NAT10: variants seen among roughly 807,000 people sequenced by gnomAD.
NAT10 encodes N-acetyltransferase 10.
A neutral mutation model predicts 132.2 loss-of-function variants in NAT10; 109 were observed. That is an observed-to-expected ratio of 0.82 (90% confidence interval 0.71 to 0.97). NAT10 has a LOEUF of 0.97. NAT10 is among the 50% of genes least tolerant of loss of function. The pLI is 0.00. For missense variants in NAT10, 1,184 were observed against 1,263.4 expected, an observed-to-expected ratio of 0.94 and a Z score of 0.95; for synonymous variants, 479 against 478.0, an observed-to-expected ratio of 1.00 and a Z score of -0.03.
At chr11:34,112,710 C>T (rs1430148442) in intron 4 of NAT10, among the ~76,000 whole-genome samples, 1 of 152,232 alleles carries the variant, frequency 6.6e-6, no homozygotes, top group Non-Finnish European at 1.5e-5. Context: ...CACTTTACCT[C>T]TCAGAGACTA....
intron 5 of NAT10, among the ~76,000 whole-genome samples, chr11:34,115,014 G>T (rs1032224911): frequency 4.6e-5 from 7 of 152,082 alleles, no homozygotes; most frequent in Admixed American, 3.9e-4. Context: ...AAATTAACCA[G>T]GTGTGGTGGT....
intron 17 of NAT10, 25 bp from the exon 18 acceptor site, chr11:34,134,487 T>C (rs1464215321): frequency 1.2e-6 from 2 of 1,613,952 alleles, no homozygotes; most frequent in Admixed American, 1.7e-5. Flanking sequence ...TGTTGCTAAG[T>C]TACTGGTTTG....
chr11:34,142,014 C>A lies in NAT10; in HGVS notation c.2811+197C>A, dbSNP rs1042115776. 2.2e-5 allele frequency: 14 copies of A among 625,848 alleles called. No homozygotes were observed. In the African/African-American group the frequency reaches 2.6e-4, roughly 12 times the overall value. The allele number at this position is 625,848 out of a possible 1,614,324, so 38.8% of individuals were successfully genotyped here. On this transcript the variant is annotated intron_variant, in intron 26 of 28. Coordinates refer to ENST00000257829, the MANE Select transcript of NAT10 (RefSeq NM_024662.3). ...CACAGGCCTAGAGTTGTGCCTCCCACTGATTGTGTGTGTGTGTTGTGAATG... is the reference window on the plus strand; with the variant it reads ...CACAGGCCTAGAGTTGTGCCTCCCAATGATTGTGTGTGTGTGTTGTGAATG...
intron 27 of NAT10, 107 bp downstream of exon 27, chr11:34,142,455 A>T: frequency 1.1e-6 from 1 of 942,356 alleles, no homozygotes; most frequent in Non-Finnish European, 1.7e-6. Context: ...AGTGTCTTTC[A>T]TGGGATCAGT....
chr11:34,119,635 A>T (rs933333416), intron 8 of NAT10, among the ~76,000 whole-genome samples: 1 of 152,384 alleles, frequency 6.6e-6, no homozygotes, highest in South Asian at 2.1e-4. Flanking sequence ...AAAAATAAGA[A>T]GTGGTGTTTC....
At position 34,143,432 on chromosome 11, in the gene NAT10, T is replaced by C. The variant is rs776966052; in HGVS notation, c.2886-13T>C. ...TTTCTAGCAGGCTTTGATAGTTCCC[T>C]TCTTTTTTTTAGATACATAATCCGT... On this transcript the variant is annotated splice_polypyrimidine_tract_variant and intron_variant, in intron 27 of 28. Coordinates refer to ENST00000257829, the MANE Select transcript of NAT10 (RefSeq NM_024662.3). 1 of 1,611,400 alleles carries C rather than the reference T, an allele frequency of 6.2e-7. No individual in the cohort carries two copies. Among genetic ancestry groups the C allele is most frequent in the Non-Finnish European group, 8.5e-7 (1 of 1,178,476 alleles).
chr11:34,133,993 A>T (rs1852157449), intron 16 of NAT10, among the ~76,000 whole-genome samples: 1 of 148,170 alleles, frequency 6.7e-6, no homozygotes, highest in Non-Finnish European at 1.5e-5. Context: ...TCTACTAAAA[A>T]AAAAAAAAAA....
At chr11:34,127,058 C>T (rs1054360205) in intron 11 of NAT10, among the ~76,000 whole-genome samples, 9 of 152,096 alleles carry the variant, frequency 5.9e-5, no homozygotes, top group East Asian at 5.8e-4. Context: ...TGGGGGAAAA[C>T]GTGAGGAGAC....
At chr11:34,112,752 C>A (rs1851716804) in intron 4 of NAT10, among the ~76,000 whole-genome samples, 1 of 152,178 alleles carries the variant, frequency 6.6e-6, no homozygotes, top group Non-Finnish European at 1.5e-5. Flanking sequence ...TGTGTATTCT[C>A]TTGCCTGGCA....
chr11:34,137,079 G>A, intron 21 of NAT10, 53 bp downstream of exon 21: 1 of 1,598,780 alleles, frequency 6.3e-7, no homozygotes, highest in Admixed American at 1.7e-5. Flanking sequence ...TATGGTAGGT[G>A]ACAGGCCTGT....
At chr11:34,138,339 C>T (rs559752651) in intron 21 of NAT10, among the ~76,000 whole-genome samples, 1 of 152,230 alleles carries the variant, frequency 6.6e-6, no homozygotes, top group African/African-American at 2.4e-5. Flanking sequence ...CTTCTGTCTT[C>T]CCAGATGAGG....
At chr11:34,136,947 A>G (rs762435781) in intron 20 of NAT10, 31 bp from the exon 21 acceptor site, 4 of 1,613,924 alleles carry the variant, frequency 2.5e-6, no homozygotes, top group Non-Finnish European at 2.5e-6. Context: ...GAGGCCACAC[A>G]CAGTGACCTA....
Position 34,141,225 on chromosome 11 carries a change from G to A in NAT10, c.2712+17G>A. The stretch of plus-strand genomic sequence containing the variant: ...GTTGTGAAGGTAACCTCAGCCTGAG[G>A]GCAGGGGCTTGATGTCTCTCAAATA... On this transcript the variant is annotated intron_variant, in intron 25 of 28. Transcript: ENST00000257829. The A allele has an allele frequency of 6.2e-7, 1 of 1,613,678 alleles. No homozygotes were observed. The highest frequency in any genetic ancestry group is 1.1e-5 in the South Asian group (1 of 91,018).
Position 34,134,313 on chromosome 11 carries a change from C to CT in NAT10, c.1735-6_1735-5insT, listed in dbSNP as rs1349296698. 4 of 1,613,708 alleles carry CT rather than the reference C, an allele frequency of 2.5e-6. No individual in the cohort carries two copies. Among genetic ancestry groups the CT allele is most frequent in the Non-Finnish European group, 2.5e-6 (3 of 1,179,690 alleles). ...TTCTGCCTGCACTGTCCTGCTTCCC[C>CT]CACAGGTGTGCCTTGAAGGGGAGAT... On this transcript the variant is annotated splice_polypyrimidine_tract_variant and splice_region_variant and intron_variant, in intron 16 of 28. Transcript: ENST00000257829.
In NAT10 at chr11:34,135,233, C is replaced by G; in HGVS notation, c.1970C>G (p.Pro657Arg). Residue 657 changes from proline (P) to arginine (R), a missense_variant, in exon 19 of 29, where the codon CCT (proline) becomes CGT (arginine). Transcript: ENST00000257829. Reference protein sequence around the residue: ...LLQMYYEGRFPCLEEKVLETP... With the variant: ...LLQMYYEGRFRCLEEKVLETP... ...CAGATGTACTATGAAGGCAGGTTTC[C>G]TTGTCTGGAGGAAAAGGTCCTTGAG... 6.2e-7 allele frequency: 1 copy of G among 1,614,166 alleles called. No individual in the cohort carries two copies. Among genetic ancestry groups the G allele is most frequent in the Non-Finnish European group, 8.5e-7 (1 of 1,180,026 alleles).
At chr11:34,145,206 G>T (rs1852418371) in intron 28 of NAT10, among the ~76,000 whole-genome samples, 1 of 152,184 alleles carries the variant, frequency 6.6e-6, no homozygotes, top group Admixed American at 6.5e-5. Flanking sequence ...CCTGCCATTT[G>T]TTTGGCCATT....
Position 34,134,309 on chromosome 11 carries a change from T to G in NAT10, c.1735-10T>G, listed in dbSNP as rs1565116589. 1 of 1,613,072 alleles carries G rather than the reference T, an allele frequency of 6.2e-7. No individual in the cohort carries two copies. Among genetic ancestry groups the G allele is most frequent in the Non-Finnish European group, 8.5e-7 (1 of 1,179,062 alleles). ...GCCTTTCTGCCTGCACTGTCCTGCT[T>G]CCCCCACAGGTGTGCCTTGAAGGGG... On this transcript the variant is annotated splice_polypyrimidine_tract_variant and intron_variant, in intron 16 of 28. Transcript: ENST00000257829.
intron 6 of NAT10, among the ~76,000 whole-genome samples, chr11:34,117,021 G>A (rs1261259622): frequency 3.9e-5 from 6 of 152,132 alleles, no homozygotes; most frequent in South Asian, 2.1e-4. Context: ...GTGAGCCACC[G>A]TGCCCGATCA....
At chr11:34,108,473 T>C in intron 2 of NAT10, 140 bp downstream of exon 2, 3 of 727,910 alleles carry the variant, frequency 4.1e-6, no homozygotes, top group Non-Finnish European at 6.9e-6. Flanking sequence ...CCTTTCTTTA[T>C]TTCCTGGAAG....
Sources: gnomAD v4.1 joint callset for allele counts (sites outside exome capture counted in the v4.1 genomes callset) on GRCh38, gnomAD v4.1.1 for gene constraint, MANE v1.5 for transcripts, NCBI Gene and HGNC (gene_info 2026-07-23, HGNC 2026-07-21) for gene names.